Variants in CFAP58 observed in about 807,000 individuals in gnomAD.
CFAP58 encodes cilia and flagella associated protein 58.
In CFAP58, 88 loss-of-function variants were observed where a neutral mutation model predicts 119.5. The observed-to-expected ratio is 0.74, with a 90% confidence interval of 0.62 to 0.88. The LOEUF is 0.88. Among genes scored for constraint, CFAP58 ranks in the 40% least tolerant of loss-of-function variants. The pLI is 0.00. For missense variants in CFAP58, 990 were observed against 1,021.2 expected (o/e 0.97, Z 0.42); for synonymous variants, 365 against 366.3 (o/e 1.00, Z 0.04).
intron 3 of CFAP58, among the ~76,000 whole-genome samples, chr10:104,364,054 G>T (rs2014707066): frequency 6.6e-6 from 1 of 152,160 alleles, no homozygotes; most frequent in African/African-American, 2.4e-5. Flanking sequence ...CCAAAAATGG[G>T]CATCATGAAT....
chr10:104,341,497 T>C, the CFAP58 span, among the ~76,000 whole-genome samples: 1 of 151,620 alleles, frequency 6.6e-6, no homozygotes, highest in Admixed American at 6.6e-5. Flanking sequence ...TTTGAAAAAG[T>C]ACAGCTATAA....
At chr10:104,368,111 G>A (rs964172096) in intron 5 of CFAP58, among the ~76,000 whole-genome samples, 1 of 152,216 alleles carries the variant, frequency 6.6e-6, no homozygotes, top group Non-Finnish European at 1.5e-5. Context: ...TTGCATATGC[G>A]AAGCCTGCCA....
intron 15 of CFAP58, among the ~76,000 whole-genome samples, chr10:104,436,299 A>G (rs1191916216): frequency 6.6e-6 from 1 of 152,360 alleles, no homozygotes; most frequent in Non-Finnish European, 1.5e-5. Flanking sequence ...TAACATTTTT[A>G]TTAGTAGAAC....
chr10:104,393,991 A>G (rs754109144), intron 11 of CFAP58, among the ~76,000 whole-genome samples: 11 of 152,158 alleles, frequency 7.2e-5, no homozygotes, highest in Non-Finnish European at 1.3e-4. Context: ...ACCCTTGACC[A>G]GGTTTGTAGT....
intron 15 of CFAP58, among the ~76,000 whole-genome samples, chr10:104,414,774 A>G (rs1391711825): frequency 1.3e-5 from 2 of 152,106 alleles, no homozygotes; most frequent in Non-Finnish European, 2.9e-5. Flanking sequence ...GGTTCACGCC[A>G]TTCTCCTGCC....
the CFAP58 span, among the ~76,000 whole-genome samples, chr10:104,338,985 C>T: frequency 3.3e-5 from 5 of 151,814 alleles, no homozygotes; most frequent in South Asian, 2.1e-4. Flanking sequence ...CTCGGCTCAC[C>T]GCAACCTCCG....
At position 104,454,344 on chromosome 10, in the gene CFAP58, CACACCCT is replaced by C. The variant is rs2013243116; in HGVS notation, c.2511-76_2511-70del. On this transcript the variant is annotated intron_variant, in intron 17 of 17. Transcript: ENST00000369704. ...AATCAAAGTAGTTTTCAGTGGCTAACACACCCTAGGATTATCAAATGTCAAACTTAGA... is the reference window on the plus strand; with the variant it reads ...AATCAAAGTAGTTTTCAGTGGCTAACAGGATTATCAAATGTCAAACTTAGA... 6 of 1,141,712 alleles carry C rather than the reference CACACCCT, an allele frequency of 5.3e-6. No individual in the cohort carries two copies. The South Asian group carries it at 7.7e-5, about 15-fold the overall frequency. The allele number at this position is 1,141,712 out of a possible 1,614,324, so 70.7% of individuals were successfully genotyped here. A position where few individuals can be genotyped will look rare whatever the true frequency, so the allele number is the denominator to read the frequency against.
At chr10:104,366,927 G>A (rs945946285) in intron 5 of CFAP58, among the ~76,000 whole-genome samples, 2 of 151,862 alleles carry the variant, frequency 1.3e-5, no homozygotes, top group African/African-American at 2.4e-5. Context: ...GAGCACAGTG[G>A]CATGATCTCA....
intron 9 of CFAP58, among the ~76,000 whole-genome samples, chr10:104,380,725 C>T (rs79834882): frequency 0.012 from 1,773 of 152,218 alleles, 34 homozygotes; most frequent in African/African-American, 0.041. Context: ...TATTCTAAAA[C>T]GATTATGAAC....
intron 13 of CFAP58, among the ~76,000 whole-genome samples, chr10:104,402,607 A>T (rs918990758): frequency 7.9e-5 from 12 of 152,168 alleles, no homozygotes; most frequent in African/African-American, 2.4e-4. Context: ...AACACTGAGG[A>T]TGGCTGTCAC....
chr10:104,401,032 G>A (rs2012255263), intron 13 of CFAP58, 129 bp downstream of exon 13: 2 of 648,782 alleles, frequency 3.1e-6, no homozygotes, highest in South Asian at 4.2e-5. Context: ...TTTACAGGAT[G>A]AAATTATTAA....
intron 17 of CFAP58, among the ~76,000 whole-genome samples, chr10:104,453,434 T>C (rs531384382): frequency 1.3e-5 from 2 of 152,302 alleles, no homozygotes; most frequent in South Asian, 4.2e-4. Context: ...GCAACTCTTA[T>C]CATTTTGTAC....
At chr10:104,405,441 A>G (rs1201757941) in intron 14 of CFAP58, among the ~76,000 whole-genome samples, 1 of 152,238 alleles carries the variant, frequency 6.6e-6, no homozygotes, top group Non-Finnish European at 1.5e-5. Flanking sequence ...CCAATTCCAC[A>G]TCAATTTCTG....
chr10:104,357,163 A>C (rs1177549233), intron 1 of CFAP58, among the ~76,000 whole-genome samples: 2 of 152,214 alleles, frequency 1.3e-5, no homozygotes, highest in African/African-American at 4.8e-5. Flanking sequence ...GTAGAGAAAT[A>C]AGAATCCCGA....
intron 11 of CFAP58, among the ~76,000 whole-genome samples, chr10:104,397,226 G>T (rs563203896): frequency 6.6e-6 from 1 of 152,254 alleles, no homozygotes; most frequent in South Asian, 2.1e-4. Context: ...CACCTTAAAT[G>T]ATTATAGAAA....
At chr10:104,340,818 T>C in the CFAP58 span, among the ~76,000 whole-genome samples, 79 of 152,234 alleles carry the variant, frequency 5.2e-4, no homozygotes, top group African/African-American at 1.9e-3. Flanking sequence ...TTGAGTTCTA[T>C]AAAGACAGGG....
intron 3 of CFAP58, among the ~76,000 whole-genome samples, chr10:104,364,470 A>T (rs1036297334): frequency 3.6e-4 from 49 of 137,012 alleles, no homozygotes; most frequent in Admixed American, 8.1e-4. Context: ...ACACACACAC[A>T]CTCTCACACG....
intron 1 of CFAP58, among the ~76,000 whole-genome samples, 182 bp downstream of exon 1, chr10:104,354,088 C>T (rs1402103646): frequency 6.6e-6 from 1 of 152,196 alleles, no homozygotes; most frequent in African/African-American, 2.4e-5. Flanking sequence ...TCCTGTTTCT[C>T]CTTCATTTGT....
intron 15 of CFAP58, among the ~76,000 whole-genome samples, chr10:104,417,368 G>A (rs1482960618): frequency 6.6e-6 from 1 of 152,212 alleles, no homozygotes; most frequent in Non-Finnish European, 1.5e-5. Flanking sequence ...CAATGCTTGA[G>A]ATTTGGCCAG....
Sources: gnomAD v4.1 joint callset for allele counts (sites outside exome capture counted in the v4.1 genomes callset) on GRCh38, gnomAD v4.1.1 for gene constraint, MANE v1.5 for transcripts, NCBI Gene and HGNC (gene_info 2026-07-23, HGNC 2026-07-21) for gene names.